The following OPHN1 variants were observed in gnomAD, a reference collection of about 807,000 sequenced individuals.
OPHN1 encodes oligophrenin 1, also known as oligophrenin-1.
In OPHN1, 11 loss-of-function variants were observed where a neutral mutation model predicts 60.7. That is an observed-to-expected ratio of 0.18 (90% CI 0.11 to 0.30). The LOEUF (loss-of-function observed/expected upper bound fraction) is 0.30. Ranked by LOEUF, OPHN1 falls within the 10% of genes least tolerant of loss-of-function variation. The pLI, the probability that OPHN1 is intolerant of heterozygous loss-of-function variation, is 1.00. For missense variants in OPHN1, 449 were observed against 611.0 expected (o/e 0.73, Z 2.80); for synonymous variants, 226 against 222.6 (o/e 1.02, Z -0.14).
intron 15 of OPHN1, among the ~76,000 whole-genome samples, chrX:68,167,623 G>A (rs189428796): frequency 4.7e-4 from 51 of 108,946 alleles, no homozygotes; most frequent in South Asian, 7.9e-4. Flanking sequence ...ATACATGCGC[G>A]CATGCATGCA....
At chrX:68,059,098 C>G (rs1383641102) in intron 21 of OPHN1, among the ~76,000 whole-genome samples, 1 of 112,082 alleles carries the variant, frequency 8.9e-6, no homozygotes, top group Non-Finnish European at 1.9e-5. Flanking sequence ...CTTTTAACCA[C>G]TAAGTCACTT....
intron 15 of OPHN1, among the ~76,000 whole-genome samples, chrX:68,176,795 C>A (rs1220454853): frequency 2.7e-5 from 3 of 110,705 alleles, no homozygotes; most frequent in Non-Finnish European, 5.7e-5. Flanking sequence ...ACATGCTTAG[C>A]ATTCCAATAA....
intron 18 of OPHN1, among the ~76,000 whole-genome samples, chrX:68,102,891 AC>A (rs1485930369): frequency 8.9e-6 from 1 of 111,795 alleles, no homozygotes; most frequent in Non-Finnish European, 1.9e-5. Flanking sequence ...TTGATAGCCT[AC>A]CCACCAAAAA....
Position 68,328,272 on chromosome X carries a change from G to A in OPHN1, c.155-29176C>T, listed in dbSNP as rs1050469042. Among the ~76,000 whole-genome samples the A allele has an allele frequency of 2.4e-3, 264 of 108,376 alleles. 2 individuals are homozygous for A. Among genetic ancestry groups the A allele is most frequent in the African/African-American group, 8.5e-3 (252 of 29,643 alleles). The allele number at this position is 108,376 out of a possible 115,157, so 94.1% of individuals were successfully genotyped here. A position where few individuals can be genotyped will look rare whatever the true frequency, so the allele number is the denominator to read the frequency against. On this transcript the variant is annotated intron_variant, in intron 2 of 24. Transcript: ENST00000355520. ...GCCTCCAGAGTAGCTGGGACTACAG[G>A]CGCCTGCCACCACGCCCGGCTAATT...
At chrX:68,367,681 T>C (rs765704860) in intron 2 of OPHN1, among the ~76,000 whole-genome samples, 5 of 111,568 alleles carry the variant, frequency 4.5e-5, no homozygotes, top group Non-Finnish European at 9.4e-5. Context: ...CGCCCAAATC[T>C]CACCTTGAAT....
chrX:68,132,177 G>C (rs960545116), intron 15 of OPHN1, among the ~76,000 whole-genome samples: 2 of 110,488 alleles, frequency 1.8e-5, no homozygotes, highest in Non-Finnish European at 3.8e-5. Flanking sequence ...AATACCATTT[G>C]ACCCAGCCAT....
At chrX:68,269,110 A>G (rs1225840618) in intron 5 of OPHN1, among the ~76,000 whole-genome samples, 1 of 111,778 alleles carries the variant, frequency 8.9e-6, no homozygotes, top group Non-Finnish European at 1.9e-5. Flanking sequence ...ATGGAAGAAC[A>G]TTCCATCCTC....
In OPHN1 at chrX:68,217,140, C is replaced by T. The variant is rs149909852; in HGVS notation, c.487-3168G>A. On this transcript the variant is annotated intron_variant, in intron 6 of 24. Coordinates refer to ENST00000355520, the MANE Select transcript of OPHN1 (RefSeq NM_002547.3). Reference sequence around the variant, plus strand: ...GGAAGCGCAAGGGGTCAGCGAGTTCCCTTTCTGAGTCAAAGAAAGGGGTGA... The same window carrying T: ...GGAAGCGCAAGGGGTCAGCGAGTTCTCTTTCTGAGTCAAAGAAAGGGGTGA... 9.5e-3 allele frequency among the ~76,000 whole-genome samples: 1,064 copies of T among 111,963 alleles called. 7 individuals carry two copies. Among genetic ancestry groups the T allele is most frequent in the Middle Eastern group, 0.028 (6 of 216 alleles).
chrX:68,150,000 T>C (rs1022713428), intron 15 of OPHN1, among the ~76,000 whole-genome samples: 7 of 111,633 alleles, frequency 6.3e-5, no homozygotes, highest in African/African-American at 2.3e-4. Context: ...CATGCTACAA[T>C]ATGGACAAAA....
intron 3 of OPHN1, among the ~76,000 whole-genome samples, chrX:68,290,984 T>G (rs2078068522): frequency 9.0e-6 from 1 of 111,508 alleles, no homozygotes; most frequent in Non-Finnish European, 1.9e-5. Flanking sequence ...TAAAGCATGT[T>G]TATATTATAA....
At chrX:68,423,904 C>T (rs1297556628) in intron 2 of OPHN1, among the ~76,000 whole-genome samples, 3 of 111,890 alleles carry the variant, frequency 2.7e-5, no homozygotes, top group Non-Finnish European at 3.8e-5. Flanking sequence ...TGGTGGCTCA[C>T]GCCTGTAATT....
intron 2 of OPHN1, among the ~76,000 whole-genome samples, chrX:68,355,183 G>A (rs1157902578): frequency 1.8e-5 from 2 of 112,507 alleles, no homozygotes; most frequent in Non-Finnish European, 3.7e-5. Context: ...AGAGACAAAG[G>A]AAAATCTTTC....
chrX:68,254,359 T>C (rs1303884983), intron 5 of OPHN1, among the ~76,000 whole-genome samples: 1 of 111,426 alleles, frequency 9.0e-6, no homozygotes, highest in Admixed American at 9.6e-5. Flanking sequence ...GTACTATAGA[T>C]AGATAACCAG....
intron 15 of OPHN1, among the ~76,000 whole-genome samples, chrX:68,181,961 G>T (rs1333861491): frequency 8.9e-6 from 1 of 111,938 alleles, no homozygotes; most frequent in East Asian, 2.8e-4. Context: ...CTGGCCAGAG[G>T]CTAGATGGCC....
At chrX:68,078,405 C>A (rs1485773845) in intron 19 of OPHN1, among the ~76,000 whole-genome samples, 1 of 111,197 alleles carries the variant, frequency 9.0e-6, no homozygotes, top group Non-Finnish European at 1.9e-5. Context: ...AAATTTTAAC[C>A]CTGAACTAAA....
At chrX:68,384,855 C>A (rs773129756) in intron 2 of OPHN1, among the ~76,000 whole-genome samples, 1 of 111,265 alleles carries the variant, frequency 9.0e-6, no homozygotes, top group South Asian at 3.8e-4. Flanking sequence ...GCGAACTAAG[C>A]TACGAGGATG....
rs1012886692 is a variant in OPHN1, at chrX:68,221,007, C to T, written c.487-7035G>A. On this transcript the variant is annotated intron_variant, in intron 6 of 24. Transcript: ENST00000355520. ...AAGTTAAATTGTCCCTGTTTGCAGA[C>T]GACATGATTGTATATCTAGAAAACC... 9.5e-4 allele frequency among the ~76,000 whole-genome samples: 98 copies of T among 103,333 alleles called. 1 individual carries two copies. The highest frequency in any genetic ancestry group is 5.1e-3 in the Middle Eastern group (1 of 196). 89.7% of individuals were successfully genotyped at this position (103,333 alleles called of 115,157 possible).
intron 19 of OPHN1, among the ~76,000 whole-genome samples, chrX:68,076,449 C>T (rs1240476034): frequency 1.8e-5 from 2 of 108,887 alleles, no homozygotes; most frequent in Non-Finnish European, 3.8e-5. Flanking sequence ...GTCCTATAAC[C>T]ATTAAAAAAT....
At chrX:68,379,822 C>A (rs767571092) in intron 2 of OPHN1, among the ~76,000 whole-genome samples, 29 of 103,682 alleles carry the variant, frequency 2.8e-4, no homozygotes, top group African/African-American at 1.1e-3. Context: ...TGCTGGATTC[C>A]GTTTGCCAGT....
Sources: allele counts gnomAD v4.1 joint callset (sites outside exome capture counted in the v4.1 genomes callset), GRCh38; gene constraint gnomAD v4.1.1; transcripts MANE v1.5; gene names NCBI Gene and HGNC (gene_info 2026-07-23, HGNC 2026-07-21).